Variants in NIBAN2 observed in about 807,000 individuals in gnomAD.
The protein encoded by NIBAN2 is protein Niban 2.
In NIBAN2, 36 loss-of-function variants were observed where a neutral mutation model predicts 81.8. The observed-to-expected ratio is 0.44, with a 90% CI of 0.34 to 0.58. NIBAN2 has a LOEUF of 0.58. Ranked by LOEUF, NIBAN2 falls within the 20% of genes least tolerant of loss-of-function variation. The probability of loss-of-function intolerance (pLI) is 0.02; values close to 1 mark genes in which losing one functional copy is unlikely to be tolerated. For synonymous variants in NIBAN2, 445 were observed against 441.6 expected, an observed-to-expected ratio of 1.01 and a Z score of -0.10; for missense variants, 897 against 1,014.1, an observed-to-expected ratio of 0.88 and a Z score of 1.57.
intron 1 of NIBAN2, among the ~76,000 whole-genome samples, chr9:127,560,859 G>A (rs1837761174): frequency 6.6e-6 from 1 of 152,184 alleles, no homozygotes; most frequent in African/African-American, 2.4e-5. Context: ...CCTGCCTTTG[G>A]AAGGCATCTT....
intron 2 of NIBAN2, among the ~76,000 whole-genome samples, chr9:127,530,701 G>A (rs919352486): frequency 2.6e-5 from 4 of 152,242 alleles, no homozygotes; most frequent in African/African-American, 9.6e-5. Flanking sequence ...CTGTGAAGGA[G>A]GTGTTCTCAT....
At position 127,568,703 on chromosome 9, in the gene NIBAN2, G is replaced by C. The variant is rs576699499; in HGVS notation, c.55+117C>G. ...GGCACGCTCCCTGGCAGCTCCCACC[G>C]GCCCGGCCTGACTCCCCCGAGCCCC... On this transcript the variant is annotated intron_variant, in intron 1 of 13. Transcript: ENST00000373312. The C allele has an allele frequency of 5.3e-6, 5 of 942,066 alleles. No individual in the cohort carries two copies. The East Asian group carries it at 1.2e-4, about 22-fold the overall frequency. The allele number at this position is 942,066 out of a possible 1,614,324, so 58.4% of individuals were successfully genotyped here.
rs959874503 is a variant in NIBAN2, at chr9:127,516,014, T to C, written c.973+843A>G. Among the ~76,000 whole-genome samples, 5 of 152,078 alleles carry C rather than the reference T, an allele frequency of 3.3e-5. 1 individual carries two copies. Among genetic ancestry groups the C allele is most frequent in the African/African-American group, 1.2e-4 (5 of 41,402 alleles). On this transcript the variant is annotated intron_variant, in intron 8 of 13. Coordinates refer to ENST00000373312, the MANE Select transcript of NIBAN2 (RefSeq NM_022833.4). ...TGTGCTGGGCGTGGTGGCACATGCC[T>C]GTAGTCCCAGCTACTTGGGGGGTTG...
At chr9:127,561,574 C>T (rs143697333) in intron 1 of NIBAN2, among the ~76,000 whole-genome samples, 361 of 152,292 alleles carry the variant, frequency 2.4e-3, no homozygotes, top group Non-Finnish European at 3.8e-3. Context: ...GTGGCAGAGC[C>T]AGGACTCAAA....
Position 127,517,723 on chromosome 9 carries a change from C to T in NIBAN2, c.705+103G>A, listed in dbSNP as rs920666329. 110 of 795,188 alleles carry T rather than the reference C, an allele frequency of 1.4e-4. No individual in the cohort carries two copies. Among genetic ancestry groups the T allele is most frequent in the Non-Finnish European group, 2.1e-4 (100 of 474,802 alleles). 49.3% of individuals were successfully genotyped at this position (795,188 alleles called of 1,614,324 possible). A position where few individuals can be genotyped will look rare whatever the true frequency, so the allele number is the denominator to read the frequency against. ...CTAAGCATGTCATCTCCTTCCAAAC[C>T]GGCAGCGCCCCAGAGCCCCATCTCT... On this transcript the variant is annotated intron_variant, in intron 6 of 13. Coordinates refer to ENST00000373312, the MANE Select transcript of NIBAN2 (RefSeq NM_022833.4). This position sits in a 1 kb window ranked among gnomAD's most constrained non-coding sequence, Gnocchi z 4.0.
chr9:127,552,688 T>TTG (rs1483245772), intron 1 of NIBAN2, among the ~76,000 whole-genome samples: 5 of 136,524 alleles, frequency 3.7e-5, no homozygotes, highest in African/African-American at 1.4e-4. Context: ...ATATTCGTTT[T>TTG]TTTTTTTTTT....
At chr9:127,562,461 C>G (rs945241736) in intron 1 of NIBAN2, among the ~76,000 whole-genome samples, 2 of 152,212 alleles carry the variant, frequency 1.3e-5, no homozygotes, top group East Asian at 3.8e-4. Flanking sequence ...TACTGCCCCT[C>G]CCTGCTCTAT....
Position 127,563,451 on chromosome 9 carries a change from G to A in NIBAN2, c.55+5369C>T, listed in dbSNP as rs1247824059. On this transcript the variant is annotated intron_variant, in intron 1 of 13. Coordinates refer to ENST00000373312, the MANE Select transcript of NIBAN2 (RefSeq NM_022833.4). The surrounding 1 kb of genome is among the most constrained non-coding windows in gnomAD (Gnocchi z 4.1). ...AGAGGAAGCCACACAGCAGGGTGAGGGGTGGCAGAAGGTGGAACCCCTCCA... is the reference window on the plus strand; with the variant it reads ...AGAGGAAGCCACACAGCAGGGTGAGAGGTGGCAGAAGGTGGAACCCCTCCA... 6.6e-6 allele frequency among the ~76,000 whole-genome samples: 1 copy of A among 152,220 alleles called. No individual in the cohort carries two copies. Among genetic ancestry groups the A allele is most frequent in the Admixed American group, 6.5e-5 (1 of 15,284 alleles).
chr9:127,510,041 G>C (rs1836703858), intron 9 of NIBAN2, 105 bp downstream of exon 9: 1 of 1,079,684 alleles, frequency 9.3e-7, no homozygotes, highest in Non-Finnish European at 1.3e-6. Context: ...CTACAGGGAC[G>C]GCCTTGGAGG....
At chr9:127,509,198 C>T (rs2132151681) in intron 9 of NIBAN2, 67 bp from the exon 10 acceptor site, 2 of 1,480,492 alleles carry the variant, frequency 1.4e-6, no homozygotes, top group East Asian at 2.4e-5. Context: ...CCCCCACACA[C>T]TTTGCCTGGG....
intron 1 of NIBAN2, among the ~76,000 whole-genome samples, chr9:127,532,916 G>C (rs1018004580): frequency 6.6e-6 from 1 of 152,008 alleles, no homozygotes; most frequent in African/African-American, 2.4e-5. Context: ...ACAGCACTTT[G>C]GGAGGACAAG....
rs919829900 is a variant in NIBAN2 at position 127,525,049 on chromosome 9, C to T, written c.421+9G>A. 1.2e-6 allele frequency: 2 copies of T among 1,605,420 alleles called. No homozygotes were observed. The highest frequency in any genetic ancestry group is 8.5e-7 in the Non-Finnish European group (1 of 1,172,286). On this transcript the variant is annotated intron_variant, in intron 4 of 13. Transcript: ENST00000373312. ...AGGGCATTGTGGCCTGGGATGGGTG[C>T]TCCTTTACCTGGTAAGGAGTTGCCA...
chr9:127,558,149 C>G (rs1837708183), intron 1 of NIBAN2, among the ~76,000 whole-genome samples: 1 of 152,134 alleles, frequency 6.6e-6, no homozygotes, highest in Non-Finnish European at 1.5e-5. Flanking sequence ...TCACTGTCTG[C>G]GCATAGACGG....
chr9:127,568,648 C>T (rs1042089352), intron 1 of NIBAN2, among the ~76,000 whole-genome samples, 172 bp downstream of exon 1: 4 of 152,182 alleles, frequency 2.6e-5, no homozygotes, highest in Non-Finnish European at 4.4e-5. Flanking sequence ...AAGGGGCGCC[C>T]AGGCTCAGAG....
At chr9:127,525,264 G>T in intron 3 of NIBAN2, 101 bp from the exon 4 acceptor site, 1 of 771,448 alleles carries the variant, frequency 1.3e-6, no homozygotes, top group Non-Finnish European at 2.2e-6. Context: ...AAAGTGGGGA[G>T]GAGAAGGGAA....
At chr9:127,578,767 G>A (rs1838040096) in intron 1 of NIBAN2, among the ~76,000 whole-genome samples, 1 of 152,046 alleles carries the variant, frequency 6.6e-6, no homozygotes, top group Non-Finnish European at 1.5e-5. Context: ...CAAGAAGTGA[G>A]GATCCCTTGA....
chr9:127,516,780 T>G, intron 8 of NIBAN2, 77 bp downstream of exon 8: 1 of 1,437,404 alleles, frequency 7.0e-7, no homozygotes, highest in Non-Finnish European at 9.6e-7. Flanking sequence ...GCTGTGAAAT[T>G]TACATGAATC....
At chr9:127,527,547 T>A (rs1177279109) in intron 2 of NIBAN2, among the ~76,000 whole-genome samples, 3 of 152,168 alleles carry the variant, frequency 2.0e-5, no homozygotes, top group Non-Finnish European at 4.4e-5. Flanking sequence ...TCACCCAGCA[T>A]CCAGGCAGGG....
chr9:127,514,611 T>G (rs1433232994), intron 8 of NIBAN2, among the ~76,000 whole-genome samples: 3 of 152,262 alleles, frequency 2.0e-5, no homozygotes, highest in Non-Finnish European at 4.4e-5. Flanking sequence ...GTAGATTCAA[T>G]GAGCCTCTTG....
Sources: allele counts gnomAD v4.1 joint callset (sites outside exome capture counted in the v4.1 genomes callset), GRCh38; gene constraint gnomAD v4.1.1; non-coding constraint Gnocchi (gnomAD v3.1); transcripts MANE v1.5; gene names NCBI Gene and HGNC (gene_info 2026-07-23, HGNC 2026-07-21).